MAF: variants seen among roughly 807,000 people sequenced by gnomAD.
MAF encodes transcription factor Maf.
In MAF, 10 loss-of-function variants were observed where a neutral mutation model predicts 22.0. That is an observed-to-expected ratio of 0.45 (90% CI 0.28 to 0.77). The LOEUF (loss-of-function observed/expected upper bound fraction) is 0.77. Ranked by LOEUF, MAF falls within the 30% of genes least tolerant of loss-of-function variation. The pLI is 0.12. For missense variants in MAF, 544 were observed against 548.4 expected (o/e 0.99, Z 0.08); for synonymous variants, 337 against 255.8 (o/e 1.32, Z -3.03).
At position 79,586,031 on chromosome 16, in the gene MAF, A is replaced by G. The variant is rs1486123426; in HGVS notation, c.1119-90T>C. The G allele has an allele frequency of 6.8e-6, 4 of 590,214 alleles. No individual in the cohort carries two copies. The Admixed American group carries it at 1.0e-4, about 15-fold the overall frequency. The allele number at this position is 590,214 out of a possible 1,614,324, so 36.6% of individuals were successfully genotyped here. ...ACAGTATGCTACAGGCAGCCTAACT[A>G]TCTATCAAAAGGGCAGAATTACACC... On this transcript the variant is annotated intron_variant, in intron 1 of 1. Coordinates refer to the MAF transcript ENST00000569649.
the MAF span, among the ~76,000 whole-genome samples, chr16:79,391,992 G>C: frequency 6.7e-6 from 1 of 150,078 alleles, no homozygotes; most frequent in Non-Finnish European, 1.5e-5. Context: ...AGGCGAGAGA[G>C]AAGGAGGGAG....
At chr16:79,578,799 G>A in the MAF span, among the ~76,000 whole-genome samples, 2 of 152,164 alleles carry the variant, frequency 1.3e-5, no homozygotes, top group African/African-American at 4.8e-5. Flanking sequence ...AAATATTTCA[G>A]GCGACCAGCA....
the MAF span, among the ~76,000 whole-genome samples, chr16:79,459,133 G>C: frequency 3.3e-5 from 5 of 152,142 alleles, no homozygotes; most frequent in African/African-American, 7.2e-5. Context: ...ATTTAGGATA[G>C]AAGACAAGGA....
the MAF span, among the ~76,000 whole-genome samples, chr16:79,232,167 G>A: frequency 6.6e-6 from 1 of 151,990 alleles, no homozygotes; most frequent in Non-Finnish European, 1.5e-5. Flanking sequence ...AACAGGCCAT[G>A]GATTGGTACC....
At chr16:79,209,392 G>C in the MAF span, among the ~76,000 whole-genome samples, 2 of 152,210 alleles carry the variant, frequency 1.3e-5, no homozygotes, top group East Asian at 3.8e-4. Context: ...AGGTTAGGAA[G>C]AATTCTGCTT....
chr16:79,356,044 C>T, the MAF span, among the ~76,000 whole-genome samples: 2 of 152,168 alleles, frequency 1.3e-5, no homozygotes, highest in Non-Finnish European at 2.9e-5. Flanking sequence ...CATACACACA[C>T]GCACATGCAC....
chr16:79,504,540 A>G, the MAF span, among the ~76,000 whole-genome samples: 5 of 152,212 alleles, frequency 3.3e-5, no homozygotes, highest in Non-Finnish European at 7.3e-5. Flanking sequence ...GCATAAAACA[A>G]TTACCCAATA....
chr16:79,275,786 C>G, the MAF span, among the ~76,000 whole-genome samples: 2 of 152,228 alleles, frequency 1.3e-5, no homozygotes, highest in East Asian at 3.9e-4. Context: ...AGTGAAGTAT[C>G]TCTTCTGTGC....
At chr16:79,215,301 G>A in the MAF span, among the ~76,000 whole-genome samples, 1 of 152,118 alleles carries the variant, frequency 6.6e-6, no homozygotes, top group African/African-American at 2.4e-5. Flanking sequence ...AGGCTAGTCT[G>A]GAACTCCTGG....
At chr16:79,460,679 C>T in the MAF span, among the ~76,000 whole-genome samples, 1 of 152,282 alleles carries the variant, frequency 6.6e-6, no homozygotes, top group African/African-American at 2.4e-5. Context: ...TTGGAATCTA[C>T]AGTTTAATTG....
At chr16:79,303,143 A>C in the MAF span, among the ~76,000 whole-genome samples, 11 of 152,032 alleles carry the variant, frequency 7.2e-5, no homozygotes, top group South Asian at 6.2e-4. Flanking sequence ...AGGCGTCCCC[A>C]CTCCCAGCAC....
chr16:79,297,675 C>G, the MAF span, among the ~76,000 whole-genome samples: 24 of 152,226 alleles, frequency 1.6e-4, no homozygotes, highest in African/African-American at 4.1e-4. Flanking sequence ...TCAGTAAACA[C>G]TACCATTCTC....
chr16:79,336,004 T>A, the MAF span, among the ~76,000 whole-genome samples: 2 of 152,116 alleles, frequency 1.3e-5, no homozygotes, highest in African/African-American at 2.4e-5. Context: ...GACGGAGTGA[T>A]CCTAGCTGCA....
At chr16:79,585,803 C>A (rs887195657), downstream of MAF, 1 of 586,582 alleles carries the variant, frequency 1.7e-6, no homozygotes, top group Non-Finnish European at 2.9e-6. Context: ...CCTTGCTTTT[C>A]CCTTCATTTA....
At chr16:79,291,411 G>C in the MAF span, among the ~76,000 whole-genome samples, 1 of 152,218 alleles carries the variant, frequency 6.6e-6, no homozygotes, top group South Asian at 2.1e-4. Flanking sequence ...CCTCTGCCCA[G>C]ATCTCCTGCT....
chr16:79,580,669 C>T, the MAF span, among the ~76,000 whole-genome samples: 3 of 152,004 alleles, frequency 2.0e-5, no homozygotes. Flanking sequence ...GAAATCCTGG[C>T]CCCATCACAA....
At chr16:79,559,472 A>G in the MAF span, among the ~76,000 whole-genome samples, 58 of 152,288 alleles carry the variant, frequency 3.8e-4, no homozygotes, top group East Asian at 0.01. Context: ...TTCCTCCCCA[A>G]GAGGCGCACA....
chr16:79,453,248 G>C, the MAF span, among the ~76,000 whole-genome samples: 1 of 151,998 alleles, frequency 6.6e-6, no homozygotes, highest in Non-Finnish European at 1.5e-5. Flanking sequence ...GTGTCCTTAG[G>C]GACCAATCCC....
chr16:79,337,102 G>A, the MAF span, among the ~76,000 whole-genome samples: 1 of 152,152 alleles, frequency 6.6e-6, no homozygotes, highest in Non-Finnish European at 1.5e-5. Flanking sequence ...TGCAATAAGG[G>A]CTAAGGACTG....
Sources: gnomAD v4.1 joint callset for allele counts (sites outside exome capture counted in the v4.1 genomes callset) on GRCh38, gnomAD v4.1.1 for gene constraint, MANE v1.5 for transcripts, NCBI Gene and HGNC (gene_info 2026-07-23, HGNC 2026-07-21) for gene names.